KALRN: variants seen among roughly 807,000 people sequenced by gnomAD.
KALRN encodes the protein kalirin.
In KALRN, 70 loss-of-function variants were observed where a neutral mutation model predicts 353.7. That is an observed-to-expected ratio of 0.20 (90% confidence interval 0.16 to 0.24). The LOEUF (loss-of-function observed/expected upper bound fraction) is 0.24. Among genes scored for constraint, KALRN ranks in the 10% least tolerant of loss-of-function variants. KALRN has a pLI of 1.00. For synonymous variants in KALRN, 1,391 were observed against 1,434.8 expected, an observed-to-expected ratio of 0.97 and a Z score of 0.69; for missense variants, 2,791 against 3,756.7, an observed-to-expected ratio of 0.74 and a Z score of 6.72.
rs35656778 is a variant in KALRN, at chr3:124,706,575, CTT to C, written c.8075+4470_8075+4471del. ...GCTTCTAAACATCTTTTTTCTTTTTCTTTTTTTTTTTTGAGACAGAGTCTCGC... is the reference window on the plus strand; with the variant it reads ...GCTTCTAAACATCTTTTTTCTTTTTCTTTTTTTTTTGAGACAGAGTCTCGC... On this transcript the variant is annotated intron_variant, in intron 57 of 59. Coordinates refer to ENST00000682506, the MANE Select transcript of KALRN (RefSeq NM_001388419.1). 1.0e-4 allele frequency among the ~76,000 whole-genome samples: 15 copies of C among 146,350 alleles called. No homozygotes were observed. In the East Asian group the frequency reaches 1.4e-3, roughly 14 times the overall value.
rs1011971776 is a variant in KALRN at position 124,577,902 on chromosome 3, C to T, written c.5182+14813C>T. ...ACAAACAAACAAACAAAACCCCCCA[C>T]CATATTTGGAGTTCAAATTAAATAT... On this transcript the variant is annotated intron_variant, in intron 34 of 59. Coordinates refer to ENST00000682506, the MANE Select transcript of KALRN (RefSeq NM_001388419.1). 2.7e-5 allele frequency among the ~76,000 whole-genome samples: 4 copies of T among 147,130 alleles called. No individual in the cohort carries two copies. The Admixed American group carries it at 2.7e-4, about 10-fold the overall frequency.
rs1367454512 is a variant in KALRN, at chr3:124,723,043, TA to T, written c.*3575del. ...TTACAGCTGAATGTGGTAAAATTTT[TA>T]AGAAAAAAATGGTAATGTTGGAGAT... On this transcript the variant is annotated 3_prime_UTR_variant, in exon 60 of 60. Transcript: ENST00000682506. The T allele has an allele frequency of 1.3e-5, 2 of 152,130 alleles. No homozygotes were observed. Among genetic ancestry groups the T allele is most frequent in the African/African-American group, 4.8e-5 (2 of 41,428 alleles). 9.4% of individuals were successfully genotyped at this position (152,130 alleles called of 1,614,324 possible).
chr3:124,157,450 A>G (rs1225205533), intron 1 of KALRN, among the ~76,000 whole-genome samples: 1 of 152,246 alleles, frequency 6.6e-6, no homozygotes, highest in Admixed American at 6.5e-5. Flanking sequence ...TTAAGGTAAC[A>G]TAGAAATACC....
intron 34 of KALRN, among the ~76,000 whole-genome samples, chr3:124,593,986 C>A (rs543257268): frequency 4.6e-5 from 7 of 152,090 alleles, no homozygotes; most frequent in African/African-American, 1.7e-4. Flanking sequence ...AGCCACCACA[C>A]CCGGCCTCCT....
At chr3:124,054,017 T>G (rs2041289278) in intron 1 of KALRN, among the ~76,000 whole-genome samples, 2 of 152,204 alleles carry the variant, frequency 1.3e-5, no homozygotes, top group African/African-American at 4.8e-5. Flanking sequence ...AGGGGTAAAG[T>G]CAGGCTTGGG....
At chr3:124,411,100 A>G (rs2092111682) in intron 13 of KALRN, among the ~76,000 whole-genome samples, 1 of 152,240 alleles carries the variant, frequency 6.6e-6, no homozygotes, top group Admixed American at 6.5e-5. Context: ...TGTTTAAAAA[A>G]AAATTCTGTA....
intron 1 of KALRN, among the ~76,000 whole-genome samples, chr3:124,136,593 G>T (rs1291880934): frequency 6.6e-6 from 1 of 152,164 alleles, no homozygotes; most frequent in African/African-American, 2.4e-5. Context: ...GGGCCTGCCT[G>T]TCTACTTAAC....
intron 11 of KALRN, among the ~76,000 whole-genome samples, chr3:124,387,724 C>T (rs1183997982): frequency 1.3e-5 from 2 of 152,122 alleles, no homozygotes; most frequent in Non-Finnish European, 2.9e-5. Flanking sequence ...TTAGAGCAGC[C>T]CTGCCTGTAT....
intron 6 of KALRN, among the ~76,000 whole-genome samples, chr3:124,324,860 C>A (rs976009522): frequency 3.3e-5 from 5 of 152,196 alleles, no homozygotes; most frequent in African/African-American, 1.2e-4. Flanking sequence ...GCTGTTACTG[C>A]AGAACATGTA....
chr3:124,412,488 AAAC>A (rs2092247838), intron 13 of KALRN, among the ~76,000 whole-genome samples: 1 of 152,200 alleles, frequency 6.6e-6, no homozygotes, highest in Non-Finnish European at 1.5e-5. Context: ...TCACTTTTAA[AAAC>A]TTTTAATTTT....
At chr3:124,471,966 C>A (rs1402351038) in intron 25 of KALRN, among the ~76,000 whole-genome samples, 3,029 of 109,036 alleles carry the variant, frequency 0.028, 2 homozygotes, top group Middle Eastern at 0.076. Context: ...GACTCCGTCT[C>A]AAAAAAAAAA....
chr3:124,079,423 CTTGTACT>C (rs2060425837), intron 1 of KALRN, among the ~76,000 whole-genome samples: 1 of 152,150 alleles, frequency 6.6e-6, no homozygotes, highest in African/African-American at 2.4e-5. Flanking sequence ...TGGCTTAATG[CTTGTACT>C]CTGTTCTCTT....
intron 33 of KALRN, among the ~76,000 whole-genome samples, chr3:124,542,590 G>A (rs953073629): frequency 3.3e-5 from 5 of 152,186 alleles, no homozygotes; most frequent in African/African-American, 1.2e-4. Flanking sequence ...AGCCCAGAGA[G>A]CTCAAGGTTG....
intron 44 of KALRN, among the ~76,000 whole-genome samples, 193 bp downstream of exon 44, chr3:124,661,166 G>T (rs1287300702): frequency 1.3e-5 from 2 of 152,146 alleles, no homozygotes; most frequent in Admixed American, 6.5e-5. Context: ...TAGAACTAAA[G>T]AAATCTGTCC....
At chr3:124,298,601 G>A (rs1030478021) in intron 5 of KALRN, among the ~76,000 whole-genome samples, 190 bp from the exon 6 acceptor site, 9 of 151,954 alleles carry the variant, frequency 5.9e-5, no homozygotes, top group Admixed American at 6.6e-5. Flanking sequence ...GGGGTCTTAC[G>A]CTAAAAGTGA....
chr3:124,642,806 G>GTTTTTTTTTTTTTGTTGTTTTTTT (rs2082213566), intron 37 of KALRN, among the ~76,000 whole-genome samples: 1 of 96,840 alleles, frequency 1.0e-5, no homozygotes, highest in African/African-American at 4.5e-5. Flanking sequence ...CCCAAGCCTC[G>GTTTTTTTTTTTTTGTTGTTTTTTT]TTTTTTTTTT....
chr3:124,683,305 C>CTT (rs2061421847), intron 51 of KALRN, among the ~76,000 whole-genome samples: 2 of 152,204 alleles, frequency 1.3e-5, no homozygotes, highest in Admixed American at 6.5e-5. Context: ...GCACTGACAC[C>CTT]CCAGGCTCAC....
chr3:124,496,004 TATATATA>T (rs1196866160), intron 32 of KALRN, among the ~76,000 whole-genome samples: 1 of 49,502 alleles, frequency 2.0e-5, no homozygotes, highest in Non-Finnish European at 3.4e-5. Flanking sequence ...TATATATATA[TATATATA>T]TACACACACA....
chr3:124,277,298 G>C (rs1325124584), intron 5 of KALRN, among the ~76,000 whole-genome samples: 1 of 152,048 alleles, frequency 6.6e-6, no homozygotes, highest in African/African-American at 2.4e-5. Context: ...TGCTTTTTTT[G>C]GAGAAAGGCT....
Sources: allele counts gnomAD v4.1 joint callset (sites outside exome capture counted in the v4.1 genomes callset), GRCh38; gene constraint gnomAD v4.1.1; transcripts MANE v1.5; gene names NCBI Gene and HGNC (gene_info 2026-07-23, HGNC 2026-07-21).